Variants in ANKRD26 observed in about 807,000 individuals in gnomAD.
ANKRD26 encodes ankyrin repeat domain-containing protein 26.
ANKRD26 carries 141 observed loss-of-function variants against 208.7 expected under a neutral mutation model. That is an observed-to-expected ratio of 0.68 (90% confidence interval 0.59 to 0.78). ANKRD26 has a LOEUF of 0.78. Ranked by LOEUF, ANKRD26 falls within the 30% of genes least tolerant of loss-of-function variation. The probability of loss-of-function intolerance (pLI) is 0.00; values close to 1 mark genes in which losing one functional copy is unlikely to be tolerated. For synonymous variants in ANKRD26, 636 were observed against 660.4 expected, an observed-to-expected ratio of 0.96 and a Z score of 0.57; for missense variants, 1,889 against 1,938.7, an observed-to-expected ratio of 0.97 and a Z score of 0.48.
intron 30 of ANKRD26, among the ~76,000 whole-genome samples, chr10:27,016,597 C>CA (rs1276745651): frequency 1.4e-5 from 2 of 147,800 alleles, no homozygotes; most frequent in Non-Finnish European, 3.0e-5. Context: ...TTTTTTAAGG[C>CA]AAAAACAACA....
intron 16 of ANKRD26, 44 bp from the exon 17 acceptor site, chr10:27,049,023 C>A: frequency 6.9e-7 from 1 of 1,455,164 alleles, no homozygotes; most frequent in South Asian, 1.3e-5. Context: ...TTACTTTATT[C>A]AATAATAATT....
intron 9 of ANKRD26, among the ~76,000 whole-genome samples, chr10:27,069,965 T>C (rs2135519140): frequency 6.6e-6 from 1 of 151,552 alleles, no homozygotes. Flanking sequence ...AAAAAATAAA[T>C]AAATAGCTAG....
At chr10:26,959,553 A>AT in the ANKRD26 span, among the ~76,000 whole-genome samples, 2 of 152,188 alleles carry the variant, frequency 1.3e-5, no homozygotes, top group Non-Finnish European at 2.9e-5. Flanking sequence ...TAATTGGGCT[A>AT]TAACTATGAA....
chr10:27,069,194 C>CA lies in ANKRD26; in HGVS notation c.1078-1909dup, dbSNP rs58833937. ...TGGGCAACAGAGTGAGACGTCGTCT[C>CA]AAAAAAAAAAAAAAAAAAAAAAAAA... On this transcript the variant is annotated intron_variant, in intron 9 of 33. Transcript: ENST00000376087. Among the ~76,000 whole-genome samples the CA allele has an allele frequency of 2.3e-3, 206 of 88,076 alleles. 7 individuals carry two copies. The highest frequency in any genetic ancestry group is 2.8e-3 in the Non-Finnish European group (132 of 47,120). 57.8% of individuals were successfully genotyped at this position (88,076 alleles called of 152,430 possible). A position where few individuals can be genotyped will look rare whatever the true frequency, so the allele number is the denominator to read the frequency against.
rs891464085 is a variant in ANKRD26 at position 27,066,364 on chromosome 10, A to G, written c.1269+123T>C. The G allele has an allele frequency of 4.8e-6, 3 of 623,062 alleles. No individual in the cohort carries two copies. In the African/African-American group the frequency reaches 5.5e-5, roughly 11 times the overall value. The allele number at this position is 623,062 out of a possible 1,614,324, so 38.6% of individuals were successfully genotyped here. On this transcript the variant is annotated intron_variant, in intron 11 of 33. Coordinates refer to ENST00000376087, the MANE Select transcript of ANKRD26 (RefSeq NM_014915.3). ...CTTTATTAATTATGAACTGAAAAATATAAGAAAGTAGTTCCTTATGGATGT... is the reference window on the plus strand; with the variant it reads ...CTTTATTAATTATGAACTGAAAAATGTAAGAAAGTAGTTCCTTATGGATGT...
the ANKRD26 span, among the ~76,000 whole-genome samples, chr10:26,962,124 C>A: frequency 1.3e-5 from 2 of 152,020 alleles, no homozygotes; most frequent in Non-Finnish European, 2.9e-5. Flanking sequence ...AAGGCTCAGA[C>A]CCTGGAATTA....
chr10:27,005,751 C>T (rs532140279), intron 33 of ANKRD26, 28 bp from the exon 34 acceptor site: 25 of 1,593,644 alleles, frequency 1.6e-5, no homozygotes, highest in Non-Finnish European at 2.0e-5. Context: ...GAATTATATT[C>T]CTTACCTAAA....
chr10:27,077,677 C>T lies in ANKRD26; in HGVS notation c.830G>A (p.Ser277Asn). 1 of 1,612,738 alleles carries T rather than the reference C, an allele frequency of 6.2e-7. No homozygotes were observed. Residue 277 changes from serine (S) to asparagine (N), a missense_variant, in exon 8 of 34, where the codon AGC becomes AAC. By Grantham distance (46) the Ser-to-Asn change is conservative. This residue lies in a region of ANKRD26 where 1,272 missense variants were observed against 1,273.8 expected (regional missense o/e 1.00). Coordinates refer to ENST00000376087, the MANE Select transcript of ANKRD26 (RefSeq NM_014915.3). ...NFDTKNVPKP[S>N]LAKLMTASQQ... ...AGAAGCAGTCATTAGCTTTGCTAAGCTTGGTTTTGGGACATTCTAGAAAAC... is the reference window on the plus strand; with the variant it reads ...AGAAGCAGTCATTAGCTTTGCTAAGTTTGGTTTTGGGACATTCTAGAAAAC...
chr10:26,974,192 T>C (rs1051197463), exon 6 of ANKRD26, among the ~76,000 whole-genome samples: 1 of 152,166 alleles, frequency 6.6e-6, no homozygotes. Flanking sequence ...TTACATGCTA[T>C]TGTTGCTCAA....
chr10:27,036,348 A>T (rs2026120), intron 23 of ANKRD26, among the ~76,000 whole-genome samples: 77,706 of 144,364 alleles, frequency 0.54, 22,211 homozygotes, highest in Non-Finnish European at 0.66. Context: ...AGGAAAAGTT[A>T]AAAAAAAAAA....
chr10:27,062,467 A>G (rs2055093460), intron 12 of ANKRD26, among the ~76,000 whole-genome samples: 1 of 152,210 alleles, frequency 6.6e-6, no homozygotes, highest in Non-Finnish European at 1.5e-5. Context: ...GGCCTGCTCA[A>G]TCAAAATGTA....
At chr10:27,026,492 A>T (rs937610590) in intron 27 of ANKRD26, among the ~76,000 whole-genome samples, 1 of 152,228 alleles carries the variant, frequency 6.6e-6, no homozygotes, top group African/African-American at 2.4e-5. Context: ...AATCTAGAAA[A>T]AAAACTTGTC....
intron 20 of ANKRD26, among the ~76,000 whole-genome samples, 193 bp from the exon 21 acceptor site, chr10:27,040,371 GACAAAAAAAGTGACAAAAT>G (rs1423436018): frequency 3.9e-5 from 6 of 152,064 alleles, no homozygotes; most frequent in Non-Finnish European, 4.4e-5. Flanking sequence ...GTATAGTGAA[GACAAAAAAAGTGACAAAAT>G]ACAAAAAAAG....
chr10:26,948,664 T>C, the ANKRD26 span, among the ~76,000 whole-genome samples: 1 of 149,422 alleles, frequency 6.7e-6, no homozygotes, highest in Non-Finnish European at 1.5e-5. Context: ...ATAAACCACA[T>C]GAGTTATTCT....
Position 27,013,125 on chromosome 10 carries a change from G to A in ANKRD26, c.4725-15C>T, listed in dbSNP as rs373529426. 247 of 1,604,028 alleles carry A rather than the reference G, an allele frequency of 1.5e-4. No individual in the cohort carries two copies. The highest frequency in any genetic ancestry group is 2.0e-4 in the Non-Finnish European group (235 of 1,171,310). ...TCTCATTAGTTCTGTGAAGATTGCA[G>A]AAGACACATGCTTAGTATTTTACTT... On this transcript the variant is annotated splice_polypyrimidine_tract_variant and intron_variant, in intron 31 of 33. Coordinates refer to ENST00000376087, the MANE Select transcript of ANKRD26 (RefSeq NM_014915.3).
Position 27,093,667 on chromosome 10 carries a change from G to A in ANKRD26, c.357+18C>T, listed in dbSNP as rs772418059. On this transcript the variant is annotated intron_variant, in intron 2 of 33. Coordinates refer to ENST00000376087, the MANE Select transcript of ANKRD26 (RefSeq NM_014915.3). ...AAGTCAAATCCATCTGATGCTGAAA[G>A]AGCTGGCTACTATATACCTTCATCA... is the stretch of plus-strand genomic sequence containing the variant. The A allele has an allele frequency of 8.1e-6, 13 of 1,608,148 alleles. No homozygotes were observed. In the South Asian group the frequency reaches 1.4e-4, roughly 18 times the overall value.
At chr10:27,012,009 T>C (rs568438068) in intron 32 of ANKRD26, among the ~76,000 whole-genome samples, 27 of 152,300 alleles carry the variant, frequency 1.8e-4, no homozygotes, top group African/African-American at 6.5e-4. Flanking sequence ...AGTAAGAAAA[T>C]GACAAAACTT....
At chr10:26,959,105 G>A in the ANKRD26 span, among the ~76,000 whole-genome samples, 2 of 151,848 alleles carry the variant, frequency 1.3e-5, no homozygotes, top group Non-Finnish European at 2.9e-5. Flanking sequence ...TTTGAGGAGT[G>A]TTGAAACTAC....
chr10:27,092,811 A>C (rs558053160), intron 3 of ANKRD26, among the ~76,000 whole-genome samples: 2 of 152,282 alleles, frequency 1.3e-5, no homozygotes, highest in African/African-American at 4.8e-5. Flanking sequence ...GGCTGAGCAC[A>C]GTGGCTCCCA....
Sources: gnomAD v4.1 joint callset for allele counts (sites outside exome capture counted in the v4.1 genomes callset) on GRCh38, gnomAD v4.1.1 for gene constraint, gnomAD v4.1.1 regional missense constraint, MANE v1.5 for transcripts, NCBI Gene and HGNC (gene_info 2026-07-23, HGNC 2026-07-21) for gene names.